RPS6KA2: variants seen among roughly 807,000 people sequenced by gnomAD.
RPS6KA2 encodes ribosomal protein S6 kinase alpha-2.
RPS6KA2 carries 42 observed loss-of-function variants against 91.8 expected under a neutral mutation model. The observed-to-expected ratio is 0.46, with a 90% CI of 0.36 to 0.59. The LOEUF (loss-of-function observed/expected upper bound fraction) is 0.59. Ranked by LOEUF, RPS6KA2 falls within the 20% of genes least tolerant of loss-of-function variation. The pLI is 0.00. For synonymous variants in RPS6KA2, 414 were observed against 393.6 expected (o/e 1.05, Z -0.61); for missense variants, 798 against 978.5 (o/e 0.82, Z 2.46).
At chr6:166,421,303 A>G (rs1778710559) in intron 17 of RPS6KA2, among the ~76,000 whole-genome samples, 1 of 152,228 alleles carries the variant, frequency 6.6e-6, no homozygotes, top group African/African-American at 2.4e-5. Flanking sequence ...TACAATCAAT[A>G]AAATCAATAT....
chr6:166,516,652 G>A (rs1562550167), intron 3 of RPS6KA2, among the ~76,000 whole-genome samples: 1 of 152,242 alleles, frequency 6.6e-6, no homozygotes, highest in African/African-American at 2.4e-5. Context: ...TCCACAAGGA[G>A]AAATCCTCAT....
intron 2 of RPS6KA2, among the ~76,000 whole-genome samples, chr6:166,637,511 T>C (rs1787285411): frequency 6.6e-6 from 1 of 151,662 alleles, no homozygotes; most frequent in Non-Finnish European, 1.5e-5. Flanking sequence ...ACACACAAGG[T>C]GGAGAGTAGG....
At chr6:166,622,268 G>A (rs1786669164) in intron 1 of RPS6KA2, among the ~76,000 whole-genome samples, 1 of 152,130 alleles carries the variant, frequency 6.6e-6, no homozygotes, top group African/African-American at 2.4e-5. Context: ...AAGAGAGAAA[G>A]TATGTAATGA....
At chr6:166,461,139 G>A (rs1272408854) in intron 11 of RPS6KA2, among the ~76,000 whole-genome samples, 2 of 152,194 alleles carry the variant, frequency 1.3e-5, no homozygotes, top group Admixed American at 6.5e-5. Flanking sequence ...AGCTCAGGGC[G>A]TGCACGCGGG....
At position 166,563,428 on chromosome 6, in the gene RPS6KA2, C is replaced by T. The variant is rs907662936; in HGVS notation, c.100-24644G>A. On this transcript the variant is annotated intron_variant, in intron 1 of 20. Coordinates refer to ENST00000265678, the MANE Select transcript of RPS6KA2 (RefSeq NM_021135.6). The surrounding 1 kb of genome is among the most constrained non-coding windows in gnomAD (Gnocchi z 4.1). Reference sequence around the variant, plus strand: ...TGGGATCCCTCTTCCTGCACAGAACCGCCTCTTCCTTCCTCCTGGTGACAG... The same window carrying T: ...TGGGATCCCTCTTCCTGCACAGAACTGCCTCTTCCTTCCTCCTGGTGACAG... 2.6e-5 allele frequency among the ~76,000 whole-genome samples: 4 copies of T among 152,202 alleles called. No individual in the cohort carries two copies. Among genetic ancestry groups the T allele is most frequent in the Admixed American group, 6.5e-5 (1 of 15,284 alleles).
intron 14 of RPS6KA2, among the ~76,000 whole-genome samples, chr6:166,446,426 C>G (rs1779681548): frequency 6.6e-6 from 1 of 152,330 alleles, no homozygotes; most frequent in Non-Finnish European, 1.5e-5. Context: ...CCTGCCATGT[C>G]TGCTGGCCAA....
intron 5 of RPS6KA2, among the ~76,000 whole-genome samples, chr6:166,505,502 T>C (rs559111020): frequency 1.3e-5 from 2 of 152,302 alleles, no homozygotes; most frequent in African/African-American, 4.8e-5. Context: ...TCAGGAGAAA[T>C]CAATGTTATG....
At chr6:166,813,649 C>T (rs1291515742) in intron 2 of RPS6KA2, among the ~76,000 whole-genome samples, 2 of 152,110 alleles carry the variant, frequency 1.3e-5, no homozygotes, top group African/African-American at 4.8e-5. Context: ...CTGGGAATCC[C>T]CAGGGACCCT....
chr6:166,453,771 T>C (rs1779995009), intron 12 of RPS6KA2, among the ~76,000 whole-genome samples: 1 of 152,262 alleles, frequency 6.6e-6, no homozygotes, highest in Non-Finnish European at 1.5e-5. Context: ...GCAGCACTAT[T>C]CACAATTGCA....
At position 166,563,940 on chromosome 6, in the gene RPS6KA2, CTCCGTG is replaced by C. The variant is rs1420467221; in HGVS notation, c.100-25162_100-25157del. On this transcript the variant is annotated intron_variant, in intron 1 of 20. Transcript: ENST00000265678. The surrounding 1 kb of genome is among the most constrained non-coding windows in gnomAD (Gnocchi z 4.1). ...CGTGGCAGGAAAGAGGAGACGATTA[CTCCGTG>C]TCTCAGCATGAAGAAATGGCAGATG... Among the ~76,000 whole-genome samples the C allele has an allele frequency of 1.3e-5, 2 of 152,148 alleles. No homozygotes were observed. The highest frequency in any genetic ancestry group is 2.9e-5 in the Non-Finnish European group (2 of 68,032).
rs561843594 is a variant in RPS6KA2 at position 166,600,240 on chromosome 6, C to T, written c.99+26681G>A. Among the ~76,000 whole-genome samples, 8 of 152,338 alleles carry T rather than the reference C, an allele frequency of 5.3e-5. No individual in the cohort carries two copies. The South Asian group carries it at 1.0e-3, about 20-fold the overall frequency. ...TTCCCAGACCAGTCTCAGGAGCTCA[C>T]GTGATCTTCTGGCCTCAGCCTCCCA... is the stretch of plus-strand genomic sequence containing the variant. On this transcript the variant is annotated intron_variant, in intron 1 of 20. Transcript: ENST00000265678.
intron 2 of RPS6KA2, among the ~76,000 whole-genome samples, chr6:166,728,296 T>C (rs753777425): frequency 1.3e-5 from 2 of 152,162 alleles, no homozygotes; most frequent in Non-Finnish European, 2.9e-5. Context: ...ACTCATCAGA[T>C]CCCTGCCCCT....
At position 166,557,880 on chromosome 6, in the gene RPS6KA2, T is replaced by C. The variant is rs1049279007; in HGVS notation, c.100-19096A>G. ...ATAGAAAGCCTGTTACACCAGTGTA[T>C]GTCAGGGTTCTTCAGAAAAACAAAA... On this transcript the variant is annotated intron_variant, in intron 1 of 20. Transcript: ENST00000265678. This position sits in a 1 kb window ranked among gnomAD's most constrained non-coding sequence, Gnocchi z 4.8. 6.6e-6 allele frequency among the ~76,000 whole-genome samples: 1 copy of C among 152,162 alleles called. No individual in the cohort carries two copies. The highest frequency in any genetic ancestry group is 2.4e-5 in the African/African-American group (1 of 41,432).
In RPS6KA2 at chr6:166,557,330, C is replaced by T. The variant is rs752093659; in HGVS notation, c.100-18546G>A. On this transcript the variant is annotated intron_variant, in intron 1 of 20. Coordinates refer to ENST00000265678, the MANE Select transcript of RPS6KA2 (RefSeq NM_021135.6). This position sits in a 1 kb window ranked among gnomAD's most constrained non-coding sequence, Gnocchi z 4.8. ...CAGGGAAGACGCCCAAAACCTAAAT[C>T]GACATAAACACGGTCCTGGCCACCA... Among the ~76,000 whole-genome samples, 9 of 152,200 alleles carry T rather than the reference C, an allele frequency of 5.9e-5. No homozygotes were observed. The highest frequency in any genetic ancestry group is 2.6e-4 in the Admixed American group (4 of 15,288).
At chr6:166,699,437 T>C (rs1486359636) in intron 2 of RPS6KA2, among the ~76,000 whole-genome samples, 1 of 152,232 alleles carries the variant, frequency 6.6e-6, no homozygotes, top group African/African-American at 2.4e-5. Flanking sequence ...TTTAAATCAT[T>C]TTCAAAATGT....
At chr6:166,860,806 ATC>A (rs145769325) in intron 1 of RPS6KA2, among the ~76,000 whole-genome samples, 34 of 151,948 alleles carry the variant, frequency 2.2e-4, no homozygotes, top group Admixed American at 1.8e-3. Context: ...GAAAAATTGA[ATC>A]TCTCTCTCTC....
At chr6:166,725,768 C>T (rs985840405) in intron 2 of RPS6KA2, among the ~76,000 whole-genome samples, 12 of 152,230 alleles carry the variant, frequency 7.9e-5, no homozygotes, top group East Asian at 5.8e-4. Context: ...CCAGCGTGGA[C>T]GTTCCCGACC....
At chr6:166,734,284 T>C (rs563763038) in intron 2 of RPS6KA2, among the ~76,000 whole-genome samples, 7 of 152,312 alleles carry the variant, frequency 4.6e-5, no homozygotes, top group African/African-American at 1.4e-4. Flanking sequence ...CCTGTTTCTC[T>C]CCTTAGCAGG....
intron 2 of RPS6KA2, among the ~76,000 whole-genome samples, chr6:166,843,260 C>T (rs1006824689): frequency 4.6e-5 from 7 of 152,216 alleles, no homozygotes; most frequent in Non-Finnish European, 1.0e-4. Context: ...AAACACCTAA[C>T]CCTGTCCCAC....
Sources: gnomAD v4.1 joint callset for allele counts (sites outside exome capture counted in the v4.1 genomes callset) on GRCh38, gnomAD v4.1.1 for gene constraint, Gnocchi (gnomAD v3.1) non-coding constraint, MANE v1.5 for transcripts, NCBI Gene and HGNC (gene_info 2026-07-23, HGNC 2026-07-21) for gene names.